The following TSGA10 variants were observed in gnomAD, a reference collection of about 807,000 sequenced individuals.
The protein encoded by TSGA10 is testis-specific gene 10 protein.
TSGA10 carries 43 observed loss-of-function variants against 96.6 expected under a neutral mutation model. The ratio of observed to expected loss-of-function variants is 0.44; its 90% confidence interval spans 0.35 to 0.57. TSGA10 has a LOEUF of 0.57. TSGA10 is among the 20% of genes least tolerant of loss of function. The pLI, the probability that TSGA10 is intolerant of heterozygous loss-of-function variation, is 0.01. For synonymous variants in TSGA10, 229 were observed against 269.9 expected (o/e 0.85, Z 1.48); for missense variants, 703 against 834.4 (o/e 0.84, Z 1.94).
intron 20 of TSGA10, among the ~76,000 whole-genome samples, chr2:99,004,328 T>C (rs907938459): frequency 2.0e-5 from 3 of 151,454 alleles, no homozygotes; most frequent in African/African-American, 7.3e-5. Context: ...CCAAAAAAAG[T>C]CCAGGACTAG....
intron 16 of TSGA10, among the ~76,000 whole-genome samples, chr2:99,038,909 A>G (rs1030840043): frequency 1.3e-5 from 2 of 152,168 alleles, no homozygotes; most frequent in Non-Finnish European, 2.9e-5. Flanking sequence ...GTCTCAATAA[A>G]TTTTTAAAAA....
rs75042421 is a variant in TSGA10, at chr2:99,019,228, G to A, written c.1818-588C>T. On this transcript the variant is annotated intron_variant, in intron 18 of 20. Transcript: ENST00000393483. ...ATTCTATCCTCTTCACTTGCTTTCA[G>A]GATAGTATCATAGACTGCTGAAATC... Among the ~76,000 whole-genome samples, 141 of 152,284 alleles carry A rather than the reference G, an allele frequency of 9.3e-4. 1 individual carries two copies. The East Asian group carries it at 0.015, about 17-fold the overall frequency.
chr2:99,131,628 T>C (rs766161897), intron 1 of TSGA10, among the ~76,000 whole-genome samples: 5 of 152,210 alleles, frequency 3.3e-5, no homozygotes, highest in East Asian at 3.8e-4. Flanking sequence ...TCTTGCCTGA[T>C]TGCCCTGGCC....
chr2:99,080,052 A>T (rs1269679709), intron 11 of TSGA10, among the ~76,000 whole-genome samples: 1 of 152,186 alleles, frequency 6.6e-6, no homozygotes, highest in Non-Finnish European at 1.5e-5. Flanking sequence ...GCTTAAAAAA[A>T]TTATCAACCT....
intron 20 of TSGA10, among the ~76,000 whole-genome samples, chr2:99,009,750 T>C (rs145840043): frequency 1.1e-4 from 16 of 152,056 alleles, no homozygotes; most frequent in Non-Finnish European, 1.9e-4. Flanking sequence ...AAAGAACATA[T>C]ATATAAGTAA....
chr2:99,068,862 A>G, intron 15 of TSGA10, 26 bp downstream of exon 15: 1 of 1,205,200 alleles, frequency 8.3e-7, no homozygotes, highest in South Asian at 2.2e-5. Context: ...AAGTATCATG[A>G]GCAAAAAGAA....
intron 16 of TSGA10, among the ~76,000 whole-genome samples, chr2:99,053,173 A>T (rs895180748): frequency 6.6e-6 from 1 of 152,178 alleles, no homozygotes; most frequent in Non-Finnish European, 1.5e-5. Flanking sequence ...TCTACTAAGC[A>T]TTTAAAGAAC....
intron 2 of TSGA10, among the ~76,000 whole-genome samples, chr2:99,123,513 A>G (rs1379616496): frequency 6.6e-6 from 1 of 152,078 alleles, no homozygotes; most frequent in Non-Finnish European, 1.5e-5. Context: ...TTATTTTTAA[A>G]GCTTGTTTTA....
intron 16 of TSGA10, among the ~76,000 whole-genome samples, chr2:99,055,247 T>G (rs2083840776): frequency 6.6e-6 from 1 of 152,148 alleles, no homozygotes; most frequent in African/African-American, 2.4e-5. Context: ...CTAAGTGAGA[T>G]AAGCCAGGCA....
At chr2:99,075,240 A>AT (rs2086560655) in intron 12 of TSGA10, among the ~76,000 whole-genome samples, 1 of 152,152 alleles carries the variant, frequency 6.6e-6, no homozygotes, top group South Asian at 2.1e-4. Flanking sequence ...AGGTTTAACA[A>AT]TTTTTTAAAA....
intron 16 of TSGA10, among the ~76,000 whole-genome samples, chr2:99,052,674 C>A (rs1016134714): frequency 6.6e-6 from 1 of 151,394 alleles, no homozygotes; most frequent in African/African-American, 2.4e-5. Context: ...GGAGGCGGAG[C>A]TTGCAGTGAG....
rs549313720 is a variant in TSGA10, at chr2:99,089,955, C to A, written c.612-8558G>T. 5.3e-5 allele frequency among the ~76,000 whole-genome samples: 8 copies of A among 152,284 alleles called. No individual in the cohort carries two copies. The East Asian group carries it at 1.2e-3, about 22-fold the overall frequency. Reference sequence around the variant, plus strand: ...CCTCCTGGCAGGAGGCCAACCAGCACAAAACCAGTGCAATAAACAACAATA... The same window carrying A: ...CCTCCTGGCAGGAGGCCAACCAGCAAAAAACCAGTGCAATAAACAACAATA... On this transcript the variant is annotated intron_variant, in intron 10 of 20. Coordinates refer to ENST00000393483, the MANE Select transcript of TSGA10 (RefSeq NM_025244.4).
intron 20 of TSGA10, among the ~76,000 whole-genome samples, chr2:99,008,947 C>G (rs949580428): frequency 7.9e-5 from 12 of 151,892 alleles, no homozygotes; most frequent in African/African-American, 2.9e-4. Context: ...TTTGCATAAA[C>G]AAAGAAAGAT....
intron 1 of TSGA10, chr2:99,140,988 A>G: frequency 2.1e-6 from 2 of 944,720 alleles, no homozygotes; most frequent in Non-Finnish European, 2.7e-6. Context: ...ACGGCCCCGC[A>G]CCCGCCACTC....
At chr2:99,083,256 C>T (rs2087767553) in intron 10 of TSGA10, among the ~76,000 whole-genome samples, 1 of 152,018 alleles carries the variant, frequency 6.6e-6, no homozygotes, top group Non-Finnish European at 1.5e-5. Context: ...TAAAAGGAGA[C>T]AAGATTTCTA....
chr2:99,026,854 G>A (rs1453442794), intron 17 of TSGA10, among the ~76,000 whole-genome samples: 3 of 152,164 alleles, frequency 2.0e-5, no homozygotes, highest in South Asian at 2.1e-4. Flanking sequence ...ATACAGCAGC[G>A]GTCCCCAACC....
chr2:99,141,058 C>G (rs1452629691), intron 1 of TSGA10: 1 of 1,272,574 alleles, frequency 7.9e-7, no homozygotes, highest in Admixed American at 2.4e-5. Context: ...ACTCTCCCCA[C>G]CCCGCGCACC....
At chr2:99,087,278 AG>A (rs1048973350) in intron 10 of TSGA10, among the ~76,000 whole-genome samples, 2 of 152,106 alleles carry the variant, frequency 1.3e-5, no homozygotes, top group African/African-American at 2.4e-5. Context: ...AGGTCGAGGC[AG>A]GCAGATCACC....
chr2:99,014,744 G>A (rs557134390), intron 20 of TSGA10, among the ~76,000 whole-genome samples: 9 of 152,154 alleles, frequency 5.9e-5, no homozygotes, highest in Admixed American at 6.5e-5. Flanking sequence ...GACCACTAGC[G>A]AGATTAACCA....
Sources: gnomAD v4.1 joint callset for allele counts (sites outside exome capture counted in the v4.1 genomes callset) on GRCh38, gnomAD v4.1.1 for gene constraint, MANE v1.5 for transcripts, NCBI Gene and HGNC (gene_info 2026-07-23, HGNC 2026-07-21) for gene names.